CDH13: variants seen among roughly 807,000 people sequenced by gnomAD.
CDH13 encodes cadherin-13.
Under a neutral mutation model 63.8 loss-of-function variants are expected in CDH13, and 24 were observed. The observed-to-expected ratio is 0.38, with a 90% CI of 0.27 to 0.53. CDH13 has a LOEUF of 0.53. CDH13 is among the 20% of genes least tolerant of loss of function. The pLI is 0.85. For missense variants in CDH13, 1,049 were observed against 903.1 expected (o/e 1.16, Z -2.07); for synonymous variants, 503 against 355.3 (o/e 1.42, Z -4.67).
intron 7 of CDH13, among the ~76,000 whole-genome samples, chr16:83,580,714 C>A (rs1905511801): frequency 6.6e-6 from 1 of 152,042 alleles, no homozygotes; most frequent in Non-Finnish European, 1.5e-5. Context: ...CTAGGTTGGT[C>A]TTGAACTCCT....
chr16:83,153,854 A>G (rs2037093889), intron 4 of CDH13, among the ~76,000 whole-genome samples: 1 of 152,148 alleles, frequency 6.6e-6, no homozygotes, highest in South Asian at 2.1e-4. Context: ...AACTAATACA[A>G]TGGTCATTGT....
chr16:82,714,332 A>G (rs200828182), intron 1 of CDH13, among the ~76,000 whole-genome samples: 1 of 152,192 alleles, frequency 6.6e-6, no homozygotes, highest in Non-Finnish European at 1.5e-5. Context: ...ATGTAACACT[A>G]TTTGGCAACA....
intron 5 of CDH13, among the ~76,000 whole-genome samples, chr16:83,272,890 T>G (rs1276238139): frequency 2.0e-5 from 3 of 152,220 alleles, no homozygotes; most frequent in Non-Finnish European, 4.4e-5. Flanking sequence ...GATTGTACTC[T>G]GAGAGCTAAT....
chr16:83,221,575 G>A (rs1371092017), intron 5 of CDH13, among the ~76,000 whole-genome samples: 1 of 151,668 alleles, frequency 6.6e-6, no homozygotes, highest in Non-Finnish European at 1.5e-5. Flanking sequence ...CTGTGAATAT[G>A]ATCTACTGGC....
At chr16:83,189,195 C>G (rs1216916844) in intron 4 of CDH13, among the ~76,000 whole-genome samples, 1 of 152,158 alleles carries the variant, frequency 6.6e-6, no homozygotes, top group Non-Finnish European at 1.5e-5. Context: ...GGGCCCCTTT[C>G]TGCCTAGAAC....
intron 6 of CDH13, among the ~76,000 whole-genome samples, chr16:83,350,834 T>C (rs971787752): frequency 8.5e-5 from 13 of 152,236 alleles, no homozygotes; most frequent in African/African-American, 2.9e-4. Context: ...TTTTGTCTTT[T>C]ATTTTTCCTC....
intron 6 of CDH13, among the ~76,000 whole-genome samples, chr16:83,394,375 C>T (rs1050504425): frequency 6.6e-5 from 10 of 151,948 alleles, no homozygotes; most frequent in African/African-American, 1.7e-4. Flanking sequence ...CTGAAAGAGG[C>T]GAGAGAGTGA....
rs1908798044 is a variant in CDH13 at position 82,971,835 on chromosome 16, G to C, written c.158-60175G>C. On this transcript the variant is annotated intron_variant, in intron 2 of 13. Transcript: ENST00000567109. Reference sequence around the variant, plus strand: ...TACCTTTTCCTGATCCTATTTGAGGGGGGAAGTATCTTTTGAATCCCAGAC... The same window carrying C: ...TACCTTTTCCTGATCCTATTTGAGGCGGGAAGTATCTTTTGAATCCCAGAC... Among the ~76,000 whole-genome samples, 5 of 152,128 alleles carry C rather than the reference G, an allele frequency of 3.3e-5. No homozygotes were observed. The South Asian group carries it at 1.0e-3, about 32-fold the overall frequency.
At chr16:83,322,065 A>C (rs1167952779) in intron 5 of CDH13, among the ~76,000 whole-genome samples, 1 of 152,234 alleles carries the variant, frequency 6.6e-6, no homozygotes. Context: ...ACTGGAAGTC[A>C]CTTAATAAAA....
At chr16:83,039,532 T>C (rs1056176676) in intron 3 of CDH13, among the ~76,000 whole-genome samples, 4 of 152,186 alleles carry the variant, frequency 2.6e-5, no homozygotes, top group African/African-American at 9.7e-5. Flanking sequence ...GTATTTACTT[T>C]CTTGTTCAGG....
chr16:83,295,386 CT>C (rs1258213802), intron 5 of CDH13, among the ~76,000 whole-genome samples: 6 of 151,906 alleles, frequency 3.9e-5, no homozygotes, highest in African/African-American at 1.2e-4. Flanking sequence ...ATTATATCAA[CT>C]AAAAAACTTC....
At chr16:82,925,917 T>C (rs2042290590) in intron 2 of CDH13, 1 of 152,120 alleles carries the variant, frequency 6.6e-6, no homozygotes, top group Admixed American at 6.5e-5. Context: ...TTTTGTTAGG[T>C]AATAATGAGT....
intron 7 of CDH13, among the ~76,000 whole-genome samples, chr16:83,600,013 A>G (rs1442177312): frequency 6.6e-6 from 1 of 152,194 alleles, no homozygotes; most frequent in East Asian, 1.9e-4. Context: ...GACAAGCAGA[A>G]AGCCACTTCC....
chr16:82,792,207 C>G (rs1405664891), intron 1 of CDH13, among the ~76,000 whole-genome samples: 1 of 152,158 alleles, frequency 6.6e-6, no homozygotes, highest in Non-Finnish European at 1.5e-5. Flanking sequence ...TACCACCTTG[C>G]TGTCCTGGCA....
chr16:83,785,301 T>G (rs1204247441), intron 13 of CDH13, among the ~76,000 whole-genome samples: 19 of 152,150 alleles, frequency 1.2e-4, no homozygotes, highest in Admixed American at 1.2e-3. Context: ...AAAGCCCACA[T>G]TCTGGTTCAC....
intron 10 of CDH13, among the ~76,000 whole-genome samples, chr16:83,729,151 C>T (rs1186825505): frequency 1.3e-5 from 2 of 152,208 alleles, no homozygotes; most frequent in East Asian, 3.9e-4. Flanking sequence ...GGTTAGAGTT[C>T]TATCAACATC....
intron 1 of CDH13, among the ~76,000 whole-genome samples, chr16:82,804,617 T>A (rs2037053337): frequency 1.3e-5 from 2 of 152,204 alleles, no homozygotes; most frequent in Non-Finnish European, 2.9e-5. Flanking sequence ...ATATGCCTTA[T>A]CACATCAGTT....
At chr16:83,004,791 C>A (rs183970257) in intron 2 of CDH13, among the ~76,000 whole-genome samples, 1 of 152,332 alleles carries the variant, frequency 6.6e-6, no homozygotes, top group Admixed American at 6.5e-5. Context: ...CTGTGCCACC[C>A]AGCCAAGGAC....
intron 2 of CDH13, among the ~76,000 whole-genome samples, chr16:82,991,324 A>C (rs1347508100): frequency 6.6e-6 from 1 of 152,240 alleles, no homozygotes; most frequent in Non-Finnish European, 1.5e-5. Flanking sequence ...GGTAAAAATC[A>C]AATACTTTAA....
Sources: gnomAD v4.1 joint callset for allele counts (sites outside exome capture counted in the v4.1 genomes callset) on GRCh38, gnomAD v4.1.1 for gene constraint, MANE v1.5 for transcripts, NCBI Gene and HGNC (gene_info 2026-07-23, HGNC 2026-07-21) for gene names.